The following CDC37L1 variants were observed in gnomAD, a reference collection of about 807,000 sequenced individuals.
CDC37L1 encodes the protein cell division cycle 37 like 1, HSP90 cochaperone, also known as hsp90 co-chaperone Cdc37-like 1.
Under a neutral mutation model 45.9 loss-of-function variants are expected in CDC37L1, and 32 were observed. The ratio of observed to expected loss-of-function variants is 0.70; its 90% CI spans 0.53 to 0.94. The LOEUF is 0.94. CDC37L1 is among the 40% of genes least tolerant of loss of function. The probability of loss-of-function intolerance (pLI) is 0.00; values close to 1 mark genes in which losing one functional copy is unlikely to be tolerated. For missense variants in CDC37L1, 434 were observed against 405.7 expected (o/e 1.07, Z -0.60); for synonymous variants, 150 against 133.0 (o/e 1.13, Z -0.88).
At chr9:4,705,116 A>T (rs1488325242) in intron 6 of CDC37L1, among the ~76,000 whole-genome samples, 16 of 152,032 alleles carry the variant, frequency 1.1e-4, no homozygotes, top group Admixed American at 1.0e-3. Flanking sequence ...CTGCCTCCCA[A>T]CCTCCTATTG....
At chr9:4,697,970 A>C in intron 5 of CDC37L1, 91 bp downstream of exon 5, 1 of 1,096,974 alleles carries the variant, frequency 9.1e-7, no homozygotes, top group Non-Finnish European at 1.3e-6. Flanking sequence ...GCATCCAAGC[A>C]GGATGCCACA....
In CDC37L1 at chr9:4,688,469, T is replaced by A. The variant is rs977840531; in HGVS notation, c.415-44T>A. 10 of 1,044,056 alleles carry A rather than the reference T, an allele frequency of 9.6e-6. No homozygotes were observed. In the African/African-American group the frequency reaches 1.5e-4, roughly 15 times the overall value. 64.7% of individuals were successfully genotyped at this position (1,044,056 alleles called of 1,614,324 possible). On this transcript the variant is annotated intron_variant, in intron 2 of 6. Coordinates refer to ENST00000381854, the MANE Select transcript of CDC37L1 (RefSeq NM_017913.4). ...TCAGTATCTGAGAAAGAAGATTCAATTAGAATTTAAAATCTGATTTAAATT... is the reference window on the plus strand; with the variant it reads ...TCAGTATCTGAGAAAGAAGATTCAAATAGAATTTAAAATCTGATTTAAATT...
rs1313029477 is a variant in CDC37L1, at chr9:4,682,329, A to ATTTTTTTTTTTTTTT, written c.132+2431_132+2445dup. ...AGGTGCCCACCACTGTGCCCAGCTA[A>ATTTTTTTTTTTTTTT]TTTTTTTTTTTTTTTGAGATGGAGT... On this transcript the variant is annotated intron_variant, in intron 1 of 6. Coordinates refer to ENST00000381854, the MANE Select transcript of CDC37L1 (RefSeq NM_017913.4). Among the ~76,000 whole-genome samples, 609 of 92,632 alleles carry ATTTTTTTTTTTTTTT rather than the reference A, an allele frequency of 6.6e-3. 52 individuals are homozygous for ATTTTTTTTTTTTTTT. Among genetic ancestry groups the ATTTTTTTTTTTTTTT allele is most frequent in the Non-Finnish European group, 7.9e-3 (405 of 51,472 alleles). The allele number at this position is 92,632 out of a possible 152,430, so 60.8% of individuals were successfully genotyped here.
intron 3 of CDC37L1, 52 bp downstream of exon 3, chr9:4,688,658 C>A: frequency 1.7e-6 from 2 of 1,153,712 alleles, no homozygotes; most frequent in Non-Finnish European, 2.4e-6. Flanking sequence ...ATCATATGTA[C>A]ATGTGCAAAA....
intron 3 of CDC37L1, among the ~76,000 whole-genome samples, chr9:4,695,967 G>A (rs1841343953): frequency 6.6e-6 from 1 of 152,154 alleles, no homozygotes; most frequent in East Asian, 1.9e-4. Flanking sequence ...TATATTTTTA[G>A]TAGAGACAGG....
rs1057292934 is a variant in CDC37L1 at position 4,707,955 on chromosome 9, A to T, written c.*1843A>T. 1.3e-5 allele frequency: 2 copies of T among 152,210 alleles called. No individual in the cohort carries two copies. Among genetic ancestry groups the T allele is most frequent in the African/African-American group, 4.8e-5 (2 of 41,450 alleles). The allele number at this position is 152,210 out of a possible 1,614,324, so 9.4% of individuals were successfully genotyped here. A position where few individuals can be genotyped will look rare whatever the true frequency, so the allele number is the denominator to read the frequency against. ...TAATGACTGAAGACTGGCAGGAGAG[A>T]AAGTATCAACAAACTGAGTAAACTA... On this transcript the variant is annotated 3_prime_UTR_variant, in exon 7 of 7. Transcript: ENST00000381854.
chr9:4,697,551 A>T lies in CDC37L1; in HGVS notation c.625-206A>T, dbSNP rs191897118. On this transcript the variant is annotated intron_variant, in intron 4 of 6. Coordinates refer to ENST00000381854, the MANE Select transcript of CDC37L1 (RefSeq NM_017913.4). ...GTAATCATGGTATTAAATCAAGTTC[A>T]GAGCATGGTCTTCCTTTAGTTATTC... 7.2e-5 allele frequency among the ~76,000 whole-genome samples: 11 copies of T among 152,208 alleles called. No individual in the cohort carries two copies. The East Asian group carries it at 1.9e-3, about 27-fold the overall frequency.
Position 4,706,722 on chromosome 9 carries a change from A to G in CDC37L1, c.*610A>G, listed in dbSNP as rs189256250. 1 of 152,544 alleles carries G rather than the reference A, an allele frequency of 6.6e-6. No individual in the cohort carries two copies. The highest frequency in any genetic ancestry group is 1.5e-5 in the Non-Finnish European group (1 of 68,016). 9.4% of individuals were successfully genotyped at this position (152,544 alleles called of 1,614,324 possible). A position where few individuals can be genotyped will look rare whatever the true frequency, so the allele number is the denominator to read the frequency against. ...AATACAAATTTGATATATACATTAC[A>G]TTTACCCTCAAATTATTCTCAAAAC... On this transcript the variant is annotated 3_prime_UTR_variant, in exon 7 of 7. Coordinates refer to ENST00000381854, the MANE Select transcript of CDC37L1 (RefSeq NM_017913.4).
At chr9:4,703,012 A>T in intron 6 of CDC37L1, 1 of 1,427,758 alleles carries the variant, frequency 7.0e-7, no homozygotes, top group East Asian at 2.6e-5. Context: ...AGTTTAAGTT[A>T]TTATTAGATA....
rs775962369 is a variant in CDC37L1, at chr9:4,706,295, G to C, written c.*183G>C. ...GCTGCTAGGTTTTTTGTTTTGTTTT[G>C]TTCTGAAGAGAAGAGTGGTACCATA... On this transcript the variant is annotated 3_prime_UTR_variant, in exon 7 of 7. Coordinates refer to ENST00000381854, the MANE Select transcript of CDC37L1 (RefSeq NM_017913.4). 26 of 417,034 alleles carry C rather than the reference G, an allele frequency of 6.2e-5. No individual in the cohort carries two copies. Among genetic ancestry groups the C allele is most frequent in the Non-Finnish European group, 9.7e-5 (22 of 226,918 alleles). The allele number at this position is 417,034 out of a possible 1,614,324, so 25.8% of individuals were successfully genotyped here. A position where few individuals can be genotyped will look rare whatever the true frequency, so the allele number is the denominator to read the frequency against.
At chr9:4,690,947 A>G (rs1338523074) in intron 3 of CDC37L1, among the ~76,000 whole-genome samples, 4 of 152,210 alleles carry the variant, frequency 2.6e-5, no homozygotes, top group Non-Finnish European at 5.9e-5. Context: ...AAGTTCCATC[A>G]GTGGAGAGTG....
intron 3 of CDC37L1, among the ~76,000 whole-genome samples, chr9:4,695,810 A>G (rs1421006577): frequency 1.3e-5 from 2 of 152,030 alleles, no homozygotes; most frequent in African/African-American, 2.4e-5. Context: ...CTCCTTTGAG[A>G]CAGAGTCTCT....
intron 2 of CDC37L1, chr9:4,685,490 A>T: frequency 4.3e-6 from 1 of 233,180 alleles, no homozygotes; most frequent in East Asian, 9.3e-5. Flanking sequence ...TCCTCCACAT[A>T]TATTTTGTAC....
chr9:4,705,942 T>C, intron 6 of CDC37L1, 69 bp from the exon 7 acceptor site: 1 of 711,292 alleles, frequency 1.4e-6, no homozygotes, highest in Non-Finnish European at 2.6e-6. Context: ...TATATATGTA[T>C]GTACTGTCAT....
In CDC37L1 at chr9:4,679,752, C is replaced by G; in HGVS notation, c.-16C>G. 1 of 1,606,426 alleles carries G rather than the reference C, an allele frequency of 6.2e-7. No homozygotes were observed. Among genetic ancestry groups the G allele is most frequent in the Non-Finnish European group, 8.5e-7 (1 of 1,175,676 alleles). On this transcript the variant is annotated 5_prime_UTR_variant, in exon 1 of 7. Coordinates refer to ENST00000381854, the MANE Select transcript of CDC37L1 (RefSeq NM_017913.4). ...TGTAGGGCCAAGGGCGGTTGTAGGA[C>G]CCGGAGCAGCCGGACATGGAACAAC...
intron 5 of CDC37L1, among the ~76,000 whole-genome samples, chr9:4,698,227 A>G (rs975269153): frequency 6.6e-6 from 1 of 152,080 alleles, no homozygotes; most frequent in African/African-American, 2.4e-5. Flanking sequence ...CAAAATAGAT[A>G]CAGGATTCTT....
chr9:4,699,329 T>G (rs1366967133), intron 5 of CDC37L1, among the ~76,000 whole-genome samples: 1 of 151,988 alleles, frequency 6.6e-6, no homozygotes, highest in Non-Finnish European at 1.5e-5. Flanking sequence ...TGTTTTCAAT[T>G]TAGAGATCTT....
At chr9:4,680,005 C>A in intron 1 of CDC37L1, 106 bp downstream of exon 1, 1 of 1,423,760 alleles carries the variant, frequency 7.0e-7, no homozygotes, top group East Asian at 2.5e-5. Flanking sequence ...CTACGCCCAC[C>A]TCACTGCCAG....
chr9:4,693,011 G>A (rs1050063473), intron 3 of CDC37L1, among the ~76,000 whole-genome samples: 1 of 152,192 alleles, frequency 6.6e-6, no homozygotes, highest in African/African-American at 2.4e-5. Flanking sequence ...TATGGTGGTA[G>A]ACGATTGGAA....
Sources: gnomAD v4.1 joint callset for allele counts (sites outside exome capture counted in the v4.1 genomes callset) on GRCh38, gnomAD v4.1.1 for gene constraint, MANE v1.5 for transcripts, NCBI Gene and HGNC (gene_info 2026-07-23, HGNC 2026-07-21) for gene names.